The following NR3C2 variants were observed in gnomAD, a reference collection of about 807,000 sequenced individuals.
The protein encoded by NR3C2 is mineralocorticoid receptor.
In NR3C2, 15 loss-of-function variants were observed where a neutral mutation model predicts 86.4. The observed-to-expected ratio is 0.17, with a 90% CI of 0.12 to 0.27. The LOEUF is 0.27. Ranked by LOEUF, NR3C2 falls within the 10% of genes least tolerant of loss-of-function variation. NR3C2 has a pLI of 1.00. For missense variants in NR3C2, 960 were observed against 1,195.6 expected, an observed-to-expected ratio of 0.80 and a Z score of 2.91; for synonymous variants, 458 against 450.5, an observed-to-expected ratio of 1.02 and a Z score of -0.21.
At chr4:148,251,106 C>T (rs367868724) in intron 3 of NR3C2, among the ~76,000 whole-genome samples, 18 of 151,994 alleles carry the variant, frequency 1.2e-4, no homozygotes, top group African/African-American at 3.9e-4. Flanking sequence ...TGCACCACCA[C>T]GCCTAATTTT....
chr4:148,224,242 A>G (rs1738022658), intron 3 of NR3C2, among the ~76,000 whole-genome samples: 1 of 151,934 alleles, frequency 6.6e-6, no homozygotes. Context: ...TGAGCTAGAG[A>G]GTCAAGAATT....
chr4:148,249,590 G>A (rs562549393), intron 3 of NR3C2, among the ~76,000 whole-genome samples: 5 of 152,230 alleles, frequency 3.3e-5, no homozygotes, highest in East Asian at 1.9e-4. Flanking sequence ...GTCGAATGTC[G>A]GTGATTTAAT....
intron 6 of NR3C2, among the ~76,000 whole-genome samples, chr4:148,133,554 A>G (rs1406405298): frequency 1.3e-5 from 2 of 152,226 alleles, no homozygotes; most frequent in Non-Finnish European, 2.9e-5. Context: ...TGTTTGGGTA[A>G]AGGGTGACAG....
chr4:148,365,551 A>G (rs1746069379), intron 2 of NR3C2, among the ~76,000 whole-genome samples: 1 of 152,178 alleles, frequency 6.6e-6, no homozygotes, highest in Non-Finnish European at 1.5e-5. Flanking sequence ...TTACTGAGAA[A>G]TCAATCAGAT....
intron 6 of NR3C2, among the ~76,000 whole-genome samples, chr4:148,135,823 G>A (rs1238892107): frequency 6.6e-6 from 1 of 151,726 alleles, no homozygotes; most frequent in Non-Finnish European, 1.5e-5. Flanking sequence ...TTGGGAGGCC[G>A]AGGCGGGCGG....
At chr4:148,336,867 C>G (rs555500501) in intron 2 of NR3C2, among the ~76,000 whole-genome samples, 1 of 152,282 alleles carries the variant, frequency 6.6e-6, no homozygotes, top group South Asian at 2.1e-4. Context: ...TCACGGCTCA[C>G]TGTAGCCTCC....
At chr4:148,367,612 T>C (rs1746213492) in intron 2 of NR3C2, among the ~76,000 whole-genome samples, 1 of 152,096 alleles carries the variant, frequency 6.6e-6, no homozygotes, top group Non-Finnish European at 1.5e-5. Context: ...AGTTCTTCAG[T>C]TCATTAGCTT....
At chr4:148,137,618 A>G (rs780884985) in intron 6 of NR3C2, among the ~76,000 whole-genome samples, 1 of 152,220 alleles carries the variant, frequency 6.6e-6, no homozygotes, top group Non-Finnish European at 1.5e-5. Context: ...GGCTTCCCCA[A>G]AGCCAGGCGG....
intron 8 of NR3C2, among the ~76,000 whole-genome samples, chr4:148,109,126 G>T (rs1402508464): frequency 1.3e-5 from 2 of 152,112 alleles, no homozygotes; most frequent in Non-Finnish European, 2.9e-5. Flanking sequence ...CATTCTGTGG[G>T]GCTGTTTCTT....
chr4:148,274,226 T>C (rs1431917116), intron 2 of NR3C2, among the ~76,000 whole-genome samples: 2 of 152,102 alleles, frequency 1.3e-5, no homozygotes, highest in African/African-American at 2.4e-5. Flanking sequence ...TAAGAACAAA[T>C]GGTGTTCAAA....
At chr4:148,197,149 A>C (rs1736479424) in intron 3 of NR3C2, among the ~76,000 whole-genome samples, 1 of 152,194 alleles carries the variant, frequency 6.6e-6, no homozygotes, top group African/African-American at 2.4e-5. Context: ...CTAAATACTA[A>C]TTTGCAATAT....
intron 2 of NR3C2, among the ~76,000 whole-genome samples, chr4:148,431,640 C>A (rs1056141110): frequency 1.3e-5 from 2 of 152,118 alleles, no homozygotes; most frequent in Non-Finnish European, 2.9e-5. Context: ...CTTTCGTCAC[C>A]ACTCTCACTG....
At chr4:148,106,977 A>G (rs1479544169) in intron 8 of NR3C2, among the ~76,000 whole-genome samples, 2 of 152,224 alleles carry the variant, frequency 1.3e-5, no homozygotes, top group African/African-American at 4.8e-5. Context: ...AAAACACCTA[A>G]AGCAATGGCA....
chr4:148,111,792 C>A (rs899460400), intron 8 of NR3C2, among the ~76,000 whole-genome samples: 1 of 152,122 alleles, frequency 6.6e-6, no homozygotes, highest in Admixed American at 6.5e-5. Flanking sequence ...AAACTAATCT[C>A]GATTCACAGA....
chr4:148,255,287 T>C (rs13120238), intron 3 of NR3C2, among the ~76,000 whole-genome samples: 60,737 of 152,140 alleles, frequency 0.4, 12,815 homozygotes, highest in East Asian at 0.68. Flanking sequence ...AAAAATATTT[T>C]CTCTCATAGA....
chr4:148,231,632 G>A (rs988801757), intron 3 of NR3C2, among the ~76,000 whole-genome samples: 8 of 152,182 alleles, frequency 5.3e-5, no homozygotes, highest in Non-Finnish European at 1.2e-4. Flanking sequence ...TCAGAGTGGT[G>A]GTTGCTGAAG....
chr4:148,216,798 A>G (rs1276724718), intron 3 of NR3C2, among the ~76,000 whole-genome samples: 1 of 152,150 alleles, frequency 6.6e-6, no homozygotes, highest in African/African-American at 2.4e-5. Context: ...CAACTTATTT[A>G]TCTTGAATGT....
intron 2 of NR3C2, among the ~76,000 whole-genome samples, chr4:148,388,340 G>C (rs1341972172): frequency 1.3e-5 from 2 of 152,142 alleles, no homozygotes; most frequent in Non-Finnish European, 2.9e-5. Flanking sequence ...TCTTAAACCT[G>C]AAAAATCTGA....
At chr4:148,158,450 G>A (rs928467582) in intron 4 of NR3C2, among the ~76,000 whole-genome samples, 3 of 152,138 alleles carry the variant, frequency 2.0e-5, no homozygotes, top group African/African-American at 4.8e-5. Context: ...AACTAAATGG[G>A]TATGACAAAT....
Sources: allele counts gnomAD v4.1 joint callset (sites outside exome capture counted in the v4.1 genomes callset), GRCh38; gene constraint gnomAD v4.1.1; transcripts MANE v1.5; gene names NCBI Gene and HGNC (gene_info 2026-07-23, HGNC 2026-07-21).